The following CYSLTR2 variants were observed in gnomAD, a reference collection of about 807,000 sequenced individuals.
The protein encoded by CYSLTR2 is cysteinyl leukotriene receptor 2, also known as G-protein coupled receptor GPCR21.
For missense variants in CYSLTR2, 398 were observed against 411.9 expected (o/e 0.97, Z 0.29); for synonymous variants, 179 against 160.8 (o/e 1.11, Z -0.86).
chr13:48,654,286 TGTGTGTGTGTGTGTGTGTGA>T (rs1460691060), intron 1 of CYSLTR2, among the ~76,000 whole-genome samples: 2,777 of 122,304 alleles, frequency 0.023, 32 homozygotes, highest in African/African-American at 0.04. Context: ...TGTGTGTGTG[TGTGTGTGTGTGTGTGTGTGA>T]GTGTGTGTGT....
intron 1 of CYSLTR2, among the ~76,000 whole-genome samples, chr13:48,670,225 G>A (rs1481370945): frequency 6.6e-6 from 1 of 152,140 alleles, no homozygotes; most frequent in Non-Finnish European, 1.5e-5. Flanking sequence ...CATTCTGTAG[G>A]TTGCCTGTTC....
At chr13:48,675,184 C>T (rs997344162) in intron 1 of CYSLTR2, among the ~76,000 whole-genome samples, 4 of 152,218 alleles carry the variant, frequency 2.6e-5, no homozygotes, top group African/African-American at 7.2e-5. Context: ...GAAAGATCCG[C>T]TGCTCTCTTC....
intron 4 of CYSLTR2, among the ~76,000 whole-genome samples, chr13:48,701,003 AAG>A (rs1416757051): frequency 3.3e-5 from 5 of 152,308 alleles, no homozygotes; most frequent in Non-Finnish European, 2.9e-5. Flanking sequence ...AATGAAATAA[AAG>A]AGGACACAAA....
At chr13:48,692,861 T>G (rs1384406726) in intron 2 of CYSLTR2, among the ~76,000 whole-genome samples, 1 of 151,586 alleles carries the variant, frequency 6.6e-6, no homozygotes, top group Non-Finnish European at 1.5e-5. Context: ...GTTTTGTTAA[T>G]CTATTGTCAT....
intron 1 of CYSLTR2, among the ~76,000 whole-genome samples, chr13:48,683,357 G>A (rs1489776876): frequency 1.1e-4 from 17 of 152,152 alleles, no homozygotes. Context: ...CAGTGTATAA[G>A]CATTTTCTTT....
At chr13:48,702,285 G>A (rs1356988091) in intron 4 of CYSLTR2, among the ~76,000 whole-genome samples, 3 of 150,852 alleles carry the variant, frequency 2.0e-5, no homozygotes, top group South Asian at 2.1e-4. Flanking sequence ...GGGAGGGATA[G>A]CATTAGGAGA....
intron 1 of CYSLTR2, among the ~76,000 whole-genome samples, chr13:48,687,338 T>C (rs1383005901): frequency 6.6e-6 from 1 of 151,998 alleles, no homozygotes; most frequent in East Asian, 1.9e-4. Context: ...CTCTCATCTA[T>C]CTATCTATCT....
At chr13:48,679,753 G>A (rs886828248) in intron 1 of CYSLTR2, among the ~76,000 whole-genome samples, 5 of 152,152 alleles carry the variant, frequency 3.3e-5, no homozygotes, top group Non-Finnish European at 7.3e-5. Context: ...GAGGTTGGGG[G>A]AGCTGATAAA....
intron 1 of CYSLTR2, among the ~76,000 whole-genome samples, chr13:48,680,795 C>CTTTTTTTTTTTTTTTTT (rs1268529678): frequency 1.8e-5 from 2 of 110,588 alleles, no homozygotes; most frequent in African/African-American, 8.3e-5. Flanking sequence ...CTTTTCTTTT[C>CTTTTTTTTTTTTTTTTT]TTTTCTTTTT....
chr13:48,693,781 G>A (rs1032430009), intron 3 of CYSLTR2, among the ~76,000 whole-genome samples: 6 of 152,178 alleles, frequency 3.9e-5, no homozygotes, highest in African/African-American at 1.4e-4. Flanking sequence ...CTAAAGTATG[G>A]AAATAAAAGG....
At chr13:48,678,944 GTCCTC>G (rs1953673998) in intron 1 of CYSLTR2, among the ~76,000 whole-genome samples, 1 of 152,004 alleles carries the variant, frequency 6.6e-6, no homozygotes, top group Non-Finnish European at 1.5e-5. Context: ...CCACCAAACT[GTCCTC>G]ATCTGCTGCC....
At chr13:48,675,937 G>A (rs558929363) in intron 1 of CYSLTR2, among the ~76,000 whole-genome samples, 78 of 152,210 alleles carry the variant, frequency 5.1e-4, no homozygotes, top group Admixed American at 1.3e-3. Flanking sequence ...CAGGTGAGGC[G>A]ATACCCCACT....
intron 1 of CYSLTR2, among the ~76,000 whole-genome samples, chr13:48,665,331 A>G (rs1239461766): frequency 6.6e-6 from 1 of 152,100 alleles, no homozygotes; most frequent in Non-Finnish European, 1.5e-5. Context: ...TGTTAGGTCC[A>G]TCTGGTGTAT....
Position 48,707,105 on chromosome 13 carries a change from C to A in CYSLTR2, c.288C>A (p.Asp96Glu). ...LFISTLPFRA[D>E]YYLRGSNWIF... Reference sequence around the variant, plus strand: ...TAAGCACGCTTCCCTTCAGGGCTGACTATTATCTTAGAGGCTCCAATTGGA... The same window carrying A: ...TAAGCACGCTTCCCTTCAGGGCTGAATATTATCTTAGAGGCTCCAATTGGA... The change falls in exon 5 of 5, where the codon GAC becomes GAA. Residue 96 changes from aspartate (D) to glutamate (E), a missense_variant. By Grantham distance (45) the Asp-to-Glu change is conservative. Transcript: ENST00000682523. 6.2e-7 allele frequency: 1 copy of A among 1,614,198 alleles called. No individual in the cohort carries two copies. Among genetic ancestry groups the A allele is most frequent in the Non-Finnish European group, 8.5e-7 (1 of 1,180,038 alleles).
chr13:48,685,161 G>A (rs1010452133), intron 1 of CYSLTR2, among the ~76,000 whole-genome samples: 8 of 152,108 alleles, frequency 5.3e-5, no homozygotes, highest in Admixed American at 3.9e-4. Flanking sequence ...GGGAGGCCTC[G>A]GGGAGCTTTT....
At position 48,700,961 on chromosome 13, in the gene CYSLTR2, G is replaced by A. The variant is rs548465366; in HGVS notation, c.-2+4335G>A. On this transcript the variant is annotated intron_variant, in intron 4 of 4. Coordinates refer to ENST00000682523, the MANE Select transcript of CYSLTR2 (RefSeq NM_001308476.3). ...ATCCAACTTACAAGGGATGTGAAGG[G>A]CCTCTTCAAGGAGAACTACAAACCA... Among the ~76,000 whole-genome samples the A allele has an allele frequency of 4.4e-3, 670 of 152,130 alleles. 3 individuals are homozygous for A. Among genetic ancestry groups the A allele is most frequent in the Middle Eastern group, 0.014 (4 of 294 alleles).
intron 4 of CYSLTR2, 124 bp from the exon 5 acceptor site, chr13:48,706,693 C>G (rs1954497107): frequency 8.1e-6 from 6 of 736,442 alleles, no homozygotes; most frequent in Non-Finnish European, 1.1e-5. Context: ...TAAAACTCAA[C>G]TTTCAAAGAA....
At chr13:48,670,274 T>G (rs1348388106) in intron 1 of CYSLTR2, among the ~76,000 whole-genome samples, 3 of 152,238 alleles carry the variant, frequency 2.0e-5, no homozygotes, top group East Asian at 1.9e-4. Context: ...AGAAGCTCTT[T>G]AGTTTAATTA....
At position 48,710,446 on chromosome 13, in the gene CYSLTR2, T is replaced by A. The variant is rs990708947; in HGVS notation, c.*2588T>A. The A allele has an allele frequency of 6.6e-6, 1 of 152,184 alleles. No homozygotes were observed. Among genetic ancestry groups the A allele is most frequent in the African/African-American group, 2.4e-5 (1 of 41,442 alleles). 9.4% of individuals were successfully genotyped at this position (152,184 alleles called of 1,614,324 possible). On this transcript the variant is annotated 3_prime_UTR_variant, in exon 5 of 5. Coordinates refer to ENST00000682523, the MANE Select transcript of CYSLTR2 (RefSeq NM_001308476.3). ...ACAGTGCTTGTGTTAAAGTCACTCTTATTTTACTTACTAATGTCCCCAAAG... is the reference window on the plus strand; with the variant it reads ...ACAGTGCTTGTGTTAAAGTCACTCTAATTTTACTTACTAATGTCCCCAAAG...
Sources: gnomAD v4.1 joint callset for allele counts (sites outside exome capture counted in the v4.1 genomes callset) on GRCh38, gnomAD v4.1.1 for gene constraint, MANE v1.5 for transcripts, NCBI Gene and HGNC (gene_info 2026-07-23, HGNC 2026-07-21) for gene names.